TAS2R1: variants seen among roughly 807,000 people sequenced by gnomAD.
TAS2R1 encodes taste receptor type 2 member 1.
For synonymous variants in TAS2R1, 141 were observed against 134.2 expected, an observed-to-expected ratio of 1.05 and a Z score of -0.35; for missense variants, 370 against 353.4, an observed-to-expected ratio of 1.05 and a Z score of -0.38.
At chr5:9,753,268 G>A in the TAS2R1 span, among the ~76,000 whole-genome samples, 2 of 152,192 alleles carry the variant, frequency 1.3e-5, no homozygotes, top group African/African-American at 4.8e-5. Context: ...GTATCTCATT[G>A]TGGTTTTGAT....
chr5:9,679,673 A>G (rs924081851), intron 1 of TAS2R1, among the ~76,000 whole-genome samples: 13 of 152,338 alleles, frequency 8.5e-5, no homozygotes, highest in African/African-American at 2.9e-4. Context: ...GGAAGTGAGA[A>G]TTTATAGACA....
chr5:9,633,621 A>G (rs1739917985), upstream of TAS2R1, among the ~76,000 whole-genome samples: 1 of 151,684 alleles, frequency 6.6e-6, no homozygotes, highest in Non-Finnish European at 1.5e-5. Context: ...TTATTTTTTG[A>G]TGTTTTAATT....
the TAS2R1 span, among the ~76,000 whole-genome samples, chr5:9,845,589 T>C: frequency 6.6e-6 from 1 of 152,036 alleles, no homozygotes; most frequent in East Asian, 1.9e-4. Flanking sequence ...TCAAATGAAA[T>C]TGGGCCCCAA....
At chr5:9,657,839 A>G (rs930023546) in intron 2 of TAS2R1, among the ~76,000 whole-genome samples, 19 of 152,366 alleles carry the variant, frequency 1.2e-4, no homozygotes, top group Non-Finnish European at 2.4e-4. Context: ...GAATGCACTT[A>G]GTGTTACTGA....
At chr5:9,747,576 A>C in the TAS2R1 span, among the ~76,000 whole-genome samples, 4 of 152,142 alleles carry the variant, frequency 2.6e-5, no homozygotes, top group Non-Finnish European at 5.9e-5. Flanking sequence ...GAACTCACTC[A>C]TTACCATAAG....
the TAS2R1 span, among the ~76,000 whole-genome samples, chr5:9,840,802 T>C: frequency 6.6e-6 from 1 of 151,244 alleles, no homozygotes; most frequent in African/African-American, 2.4e-5. Context: ...AAAAATGTTA[T>C]CTATTCACAT....
the TAS2R1 span, among the ~76,000 whole-genome samples, chr5:9,814,046 TC>T: frequency 6.6e-6 from 1 of 152,182 alleles, no homozygotes; most frequent in Non-Finnish European, 1.5e-5. Context: ...TTCTTTTCTT[TC>T]CAACCCAGGC....
intron 1 of TAS2R1, among the ~76,000 whole-genome samples, chr5:9,711,551 C>T (rs962837495): frequency 7.2e-5 from 11 of 152,188 alleles, no homozygotes; most frequent in African/African-American, 2.7e-4. Flanking sequence ...TCTAGAGTTT[C>T]AGTCACGCAA....
At chr5:9,855,013 A>G in the TAS2R1 span, among the ~76,000 whole-genome samples, 1 of 152,242 alleles carries the variant, frequency 6.6e-6, no homozygotes, top group Non-Finnish European at 1.5e-5. Context: ...GAGAGCCCCC[A>G]GCTAAATTTG....
upstream of TAS2R1, among the ~76,000 whole-genome samples, chr5:9,633,294 T>TATTA (rs1476544403): frequency 4.4e-5 from 3 of 67,800 alleles, no homozygotes; most frequent in African/African-American, 2.1e-4. Context: ...TGTGTGTATA[T>TATTA]TATATATATA....
At chr5:9,850,229 G>A in the TAS2R1 span, among the ~76,000 whole-genome samples, 4 of 152,160 alleles carry the variant, frequency 2.6e-5, no homozygotes, top group African/African-American at 9.7e-5. Context: ...CTAGGCCTAT[G>A]ACATTGCTTG....
the TAS2R1 span, among the ~76,000 whole-genome samples, chr5:9,788,707 T>G: frequency 1.2e-4 from 18 of 152,308 alleles, no homozygotes; most frequent in East Asian, 2.7e-3. Flanking sequence ...TTGTAGAGCA[T>G]GTGGGTTGAT....
chr5:9,852,203 A>C, the TAS2R1 span, among the ~76,000 whole-genome samples: 1 of 152,202 alleles, frequency 6.6e-6, no homozygotes, highest in South Asian at 2.1e-4. Flanking sequence ...AATGGTTTTG[A>C]AGAAATTAAC....
the TAS2R1 span, among the ~76,000 whole-genome samples, chr5:9,863,306 C>T: frequency 1.4e-5 from 2 of 142,934 alleles, no homozygotes; most frequent in East Asian, 2.0e-4. Context: ...CTCGCTCTAT[C>T]GCCCAGACTG....
intron 2 of TAS2R1, among the ~76,000 whole-genome samples, chr5:9,650,293 T>G (rs956903010): frequency 1.3e-5 from 2 of 152,018 alleles, no homozygotes; most frequent in Non-Finnish European, 2.9e-5. Context: ...AAGAATTTTT[T>G]TTTTCCTAAA....
At chr5:9,650,373 C>CTG (rs146136132) in intron 2 of TAS2R1, among the ~76,000 whole-genome samples, 4 of 151,510 alleles carry the variant, frequency 2.6e-5, no homozygotes, top group Non-Finnish European at 4.4e-5. Context: ...ACAATAAAAA[C>CTG]TGTGTGTGTG....
chr5:9,771,569 G>C, the TAS2R1 span, among the ~76,000 whole-genome samples: 1 of 152,008 alleles, frequency 6.6e-6, no homozygotes, highest in East Asian at 1.9e-4. Context: ...TCTTTTTTCA[G>C]AATAGTCTGA....
At chr5:9,764,794 C>G in the TAS2R1 span, among the ~76,000 whole-genome samples, 49 of 152,230 alleles carry the variant, frequency 3.2e-4, no homozygotes, top group African/African-American at 1.1e-3. Flanking sequence ...AAAGAAAGAG[C>G]CTGAGATTTT....
At chr5:9,793,290 T>C in the TAS2R1 span, among the ~76,000 whole-genome samples, 2 of 152,142 alleles carry the variant, frequency 1.3e-5, no homozygotes, top group African/African-American at 4.8e-5. Context: ...CCTAAGCTAA[T>C]TGAAGATAAA....
Sources: gnomAD v4.1 joint callset for allele counts (sites outside exome capture counted in the v4.1 genomes callset) on GRCh38, gnomAD v4.1.1 for gene constraint, MANE v1.5 for transcripts, NCBI Gene and HGNC (gene_info 2026-07-23, HGNC 2026-07-21) for gene names.